The following TCF12 variants were observed in gnomAD, a reference collection of about 807,000 sequenced individuals.
TCF12 encodes transcription factor 12.
In TCF12, 45 loss-of-function variants were observed where a neutral mutation model predicts 86.0. The observed-to-expected ratio is 0.52, with a 90% CI of 0.41 to 0.67. TCF12 has a LOEUF of 0.67. Ranked by LOEUF, TCF12 falls within the 30% of genes least tolerant of loss-of-function variation. The pLI is 0.00. For synonymous variants in TCF12, 330 were observed against 299.6 expected (o/e 1.10, Z -1.05); for missense variants, 881 against 859.9 (o/e 1.02, Z -0.31).
At chr15:57,095,317 C>T (rs2049250862) in intron 5 of TCF12, among the ~76,000 whole-genome samples, 1 of 152,126 alleles carries the variant, frequency 6.6e-6, no homozygotes, top group Admixed American at 6.5e-5. Context: ...TCCATTTCTC[C>T]ACCCTTGATC....
intron 4 of TCF12, among the ~76,000 whole-genome samples, chr15:57,081,119 C>G (rs75313763): frequency 0.029 from 4,488 of 152,272 alleles, 224 homozygotes; most frequent in African/African-American, 0.1. Flanking sequence ...CACCATTTGC[C>G]AAACTGGGTA....
chr15:56,977,968 G>A (rs1430290238), intron 3 of TCF12, among the ~76,000 whole-genome samples: 2 of 151,828 alleles, frequency 1.3e-5, no homozygotes, highest in Non-Finnish European at 2.9e-5. Context: ...ACTGGTTGCG[G>A]GACCACTCTT....
At chr15:57,038,563 C>T (rs2066668068) in intron 3 of TCF12, among the ~76,000 whole-genome samples, 1 of 152,082 alleles carries the variant, frequency 6.6e-6, no homozygotes, top group Non-Finnish European at 1.5e-5. Flanking sequence ...AGAGGTGATT[C>T]ACCAGCCTGA....
At chr15:57,070,485 A>G (rs1442810766) in intron 4 of TCF12, among the ~76,000 whole-genome samples, 1 of 152,224 alleles carries the variant, frequency 6.6e-6, no homozygotes, top group Non-Finnish European at 1.5e-5. Flanking sequence ...ACAAAAATAA[A>G]TAAAAACTCA....
intron 3 of TCF12, among the ~76,000 whole-genome samples, chr15:57,002,539 CCTT>C (rs777530611): frequency 4.0e-4 from 61 of 152,264 alleles, no homozygotes; most frequent in African/African-American, 1.2e-3. Context: ...TTAATTGACT[CCTT>C]CTGTATTTTT....
At chr15:57,283,748 G>T (rs970913388) in intron 20 of TCF12, among the ~76,000 whole-genome samples, 1 of 152,172 alleles carries the variant, frequency 6.6e-6, no homozygotes, top group South Asian at 2.1e-4. Context: ...TCTGGAATTT[G>T]ATAGATTGTT....
At chr15:57,128,363 A>G (rs2051836492) in intron 5 of TCF12, among the ~76,000 whole-genome samples, 1 of 152,050 alleles carries the variant, frequency 6.6e-6, no homozygotes, top group African/African-American at 2.4e-5. Flanking sequence ...TTCGTTAAGA[A>G]CCTTCATTTA....
intron 3 of TCF12, among the ~76,000 whole-genome samples, chr15:57,049,270 G>A (rs534026972): frequency 2.6e-5 from 4 of 152,296 alleles, no homozygotes; most frequent in Admixed American, 2.0e-4. Flanking sequence ...CATAGGTTGA[G>A]CATGAGAGAG....
intron 3 of TCF12, among the ~76,000 whole-genome samples, chr15:56,929,276 T>C (rs1444491372): frequency 6.6e-6 from 1 of 152,092 alleles, no homozygotes; most frequent in Non-Finnish European, 1.5e-5. Context: ...CTTGCTCCTA[T>C]AGAAGCCTGT....
In TCF12 at chr15:57,063,778, T is replaced by C; in HGVS notation, c.177T>C (p.Ser59=). The C allele has an allele frequency of 6.2e-7, 1 of 1,603,622 alleles. No individual in the cohort carries two copies. The highest frequency in any genetic ancestry group is 1.7e-4 in the Middle Eastern group (1 of 6,018). ...SGIDERGGTT[S]WGTSGQPSPS... ...TTGATGAAAGAGGAGGTACAACATC[T>C]TGGGGAACAAGTGGTCAACCAAGTC... The change falls in exon 4 of 21, where the codon TCT becomes TCC. Residue 59 remains serine, a synonymous_variant. Coordinates refer to ENST00000333725, the MANE Select transcript of TCF12 (RefSeq NM_207037.2).
intron 5 of TCF12, among the ~76,000 whole-genome samples, chr15:57,100,311 A>G (rs1217483180): frequency 2.6e-5 from 4 of 152,200 alleles, no homozygotes; most frequent in Non-Finnish European, 5.9e-5. Flanking sequence ...TTTCAGAAGC[A>G]CACCATAGCA....
In TCF12 at chr15:56,921,094, A is replaced by G. The variant is rs767555805; in HGVS notation, c.144A>G (p.Gly48=). 1.5e-5 allele frequency: 24 copies of G among 1,607,380 alleles called. No homozygotes were observed. Among genetic ancestry groups the G allele is most frequent in the Non-Finnish European group, 2.0e-5 (24 of 1,176,518 alleles). ...CACTGGGAAGCAGTCAATTCAGTGG[A>G]TCAGGTAAGATGATGTCTTAAACTA... is the stretch of plus-strand genomic sequence containing the variant. ...PTTLGSSQFS[G]SGIDERGGTT... Residue 48 remains glycine, a synonymous_variant, in exon 3 of 21, where the codon GGA becomes GGG. Transcript: ENST00000333725.
chr15:57,014,090 C>T (rs2065002309), intron 3 of TCF12, among the ~76,000 whole-genome samples: 2 of 152,296 alleles, frequency 1.3e-5, no homozygotes, highest in South Asian at 4.1e-4. Flanking sequence ...GCATGGGTTC[C>T]TGTCTGCTGC....
intron 3 of TCF12, among the ~76,000 whole-genome samples, chr15:56,978,426 A>C (rs571476310): frequency 6.6e-6 from 1 of 152,336 alleles, no homozygotes; most frequent in East Asian, 1.9e-4. Context: ...TAGTGAAAAT[A>C]GTGAAAAGAA....
intron 4 of TCF12, among the ~76,000 whole-genome samples, chr15:57,071,629 A>T (rs1347752121): frequency 6.6e-6 from 1 of 152,166 alleles, no homozygotes; most frequent in African/African-American, 2.4e-5. Context: ...CGATCTCAAA[A>T]CAAAAAACAA....
At position 57,093,738 on chromosome 15, in the gene TCF12, A is replaced by ATACGT. The variant is rs561874537; in HGVS notation, c.325+1849_325+1853dup. ...CTTTAGTTTTCAGATAATTATTAGA[A>ATACGT]TACGTTCAATAGTCATCCATACCCT... is the stretch of plus-strand genomic sequence containing the variant. On this transcript the variant is annotated intron_variant, in intron 5 of 20. Transcript: ENST00000333725. 1.1e-3 allele frequency among the ~76,000 whole-genome samples: 167 copies of ATACGT among 152,326 alleles called. 1 individual carries two copies. The highest frequency in any genetic ancestry group is 2.2e-3 in the Non-Finnish European group (148 of 68,032).
intron 5 of TCF12, among the ~76,000 whole-genome samples, chr15:57,134,664 C>T (rs544159695): frequency 2.6e-5 from 4 of 152,088 alleles, no homozygotes; most frequent in Non-Finnish European, 5.9e-5. Flanking sequence ...TCAAATCATT[C>T]ATTATTTTGC....
At chr15:57,029,043 G>A (rs770391208) in intron 3 of TCF12, among the ~76,000 whole-genome samples, 8 of 152,006 alleles carry the variant, frequency 5.3e-5, no homozygotes, top group Middle Eastern at 3.2e-3. Context: ...AAGTGCTCTC[G>A]AACGACCTGG....
intron 8 of TCF12, among the ~76,000 whole-genome samples, chr15:57,227,927 A>T (rs1176303229): frequency 6.6e-6 from 1 of 152,102 alleles, no homozygotes; most frequent in African/African-American, 2.4e-5. Context: ...TAAAGCATAT[A>T]TATTCCTTTC....
Sources: allele counts gnomAD v4.1 joint callset (sites outside exome capture counted in the v4.1 genomes callset), GRCh38; gene constraint gnomAD v4.1.1; transcripts MANE v1.5; gene names NCBI Gene and HGNC (gene_info 2026-07-23, HGNC 2026-07-21).